The following KCNH1 variants were observed in gnomAD, a reference collection of about 807,000 sequenced individuals.
KCNH1 encodes potassium voltage-gated channel subfamily H member 1, also known as voltage-gated delayed rectifier potassium channel KCNH1.
In KCNH1, 27 loss-of-function variants were observed where a neutral mutation model predicts 69.2. The ratio of observed to expected loss-of-function variants is 0.39; its 90% CI spans 0.29 to 0.54. The LOEUF (loss-of-function observed/expected upper bound fraction) is 0.54. Ranked by LOEUF, KCNH1 falls within the 20% of genes least tolerant of loss-of-function variation. KCNH1 has a pLI of 0.68. For missense variants in KCNH1, 798 were observed against 1,261.6 expected (o/e 0.63, Z 5.57); for synonymous variants, 456 against 487.7 (o/e 0.93, Z 0.86).
Position 210,775,340 on chromosome 1 carries a change from T to C in KCNH1, c.2112+8A>G, listed in dbSNP as rs1366931015. 1.2e-6 allele frequency: 2 copies of C among 1,612,906 alleles called. No individual in the cohort carries two copies. Among genetic ancestry groups the C allele is most frequent in the Non-Finnish European group, 1.7e-6 (2 of 1,179,106 alleles). Reference sequence around the variant, plus strand: ...CTTTGTGGAAAATAACTGAAACTTTTAGCTCACCCTCTTCCTCAAGTTGTA... The same window carrying C: ...CTTTGTGGAAAATAACTGAAACTTTCAGCTCACCCTCTTCCTCAAGTTGTA... On this transcript the variant is annotated splice_region_variant and intron_variant, in intron 10 of 10. Coordinates refer to ENST00000271751, the MANE Select transcript of KCNH1 (RefSeq NM_172362.3).
chr1:210,910,512 C>T (rs1687208677), intron 7 of KCNH1, among the ~76,000 whole-genome samples: 1 of 152,234 alleles, frequency 6.6e-6, no homozygotes, highest in South Asian at 2.1e-4. Flanking sequence ...GCTCTTTCTG[C>T]AGCATTCAGC....
chr1:210,997,038 T>G (rs1689058060), intron 6 of KCNH1, among the ~76,000 whole-genome samples: 1 of 151,918 alleles, frequency 6.6e-6, no homozygotes, highest in East Asian at 1.9e-4. Flanking sequence ...AGACCAAAAG[T>G]AGATAAAACC....
In KCNH1 at chr1:211,082,721, C is replaced by T. The variant is rs190242575; in HGVS notation, c.558+59G>A. Reference sequence around the variant, plus strand: ...TTAGCACACTAGTTTTGTGCCATTGCCTCAGCCCATGCACCCCCTAAAAGT... The same window carrying T: ...TTAGCACACTAGTTTTGTGCCATTGTCTCAGCCCATGCACCCCCTAAAAGT... On this transcript the variant is annotated intron_variant, in intron 5 of 10. Coordinates refer to ENST00000271751, the MANE Select transcript of KCNH1 (RefSeq NM_172362.3). 60 of 1,344,384 alleles carry T rather than the reference C, an allele frequency of 4.5e-5. No individual in the cohort carries two copies. The East Asian group carries it at 1.1e-3, about 24-fold the overall frequency. 83.3% of individuals were successfully genotyped at this position (1,344,384 alleles called of 1,614,324 possible).
chr1:210,868,560 C>T (rs925458438), intron 7 of KCNH1, among the ~76,000 whole-genome samples: 1 of 151,908 alleles, frequency 6.6e-6, no homozygotes, highest in South Asian at 2.1e-4. Flanking sequence ...ATTTTTGAGT[C>T]TACAGTAAAG....
At chr1:211,036,574 G>A (rs1044215048) in intron 5 of KCNH1, among the ~76,000 whole-genome samples, 19 of 152,122 alleles carry the variant, frequency 1.2e-4, no homozygotes, top group Admixed American at 4.6e-4. Flanking sequence ...GAATCTCTGG[G>A]CACTGAGTCA....
At chr1:211,080,053 G>C (rs572874235) in intron 5 of KCNH1, among the ~76,000 whole-genome samples, 130 of 152,304 alleles carry the variant, frequency 8.5e-4, no homozygotes, top group African/African-American at 3.0e-3. Flanking sequence ...TGACATGACT[G>C]TATATTTAGA....
chr1:211,012,649 G>A (rs1483369156), intron 6 of KCNH1, among the ~76,000 whole-genome samples: 2 of 152,096 alleles, frequency 1.3e-5, no homozygotes, highest in African/African-American at 2.4e-5. Flanking sequence ...GGAGCACAGG[G>A]GATGTTTAAG....
At chr1:210,730,651 G>A (rs1249393341) in intron 10 of KCNH1, among the ~76,000 whole-genome samples, 1 of 149,140 alleles carries the variant, frequency 6.7e-6, no homozygotes, top group African/African-American at 2.4e-5. Flanking sequence ...GGTGGGGGTG[G>A]GAGTCTGAGC....
At position 211,082,912 on chromosome 1, in the gene KCNH1, A is replaced by G. The variant is rs989772846; in HGVS notation, c.440-14T>C. The G allele has an allele frequency of 6.2e-7, 1 of 1,604,362 alleles. No homozygotes were observed. Among genetic ancestry groups the G allele is most frequent in the Admixed American group, 1.7e-5 (1 of 59,794 alleles). ...ACTTCCCCCAGCCTGAAGCAAGTGG[A>G]AGAGTGAAAAGACAGGGTCAACCAC... On this transcript the variant is annotated splice_polypyrimidine_tract_variant and intron_variant, in intron 4 of 10. Transcript: ENST00000271751.
At chr1:210,920,192 C>A (rs1458129744) in intron 6 of KCNH1, 123 bp from the exon 7 acceptor site, 6 of 796,108 alleles carry the variant, frequency 7.5e-6, no homozygotes, top group South Asian at 4.4e-5. Flanking sequence ...TTTTATGCAA[C>A]CCTTAAAAAA....
At position 210,683,975 on chromosome 1, in the gene KCNH1, C is replaced by G; in HGVS notation, c.2276G>C (p.Arg759Pro). 1 of 1,600,712 alleles carries G rather than the reference C, an allele frequency of 6.2e-7. No homozygotes were observed. The highest frequency in any genetic ancestry group is 8.5e-7 in the Non-Finnish European group (1 of 1,169,818). Reference protein sequence around the residue: ...EARLAAERGGRDLDDLDVEKG... With the variant: ...EARLAAERGGPDLDDLDVEKG... ...CTCCACATCTAGGTCATCCAGGTCC[C>G]GGCCCCCTCTCTCAGCTGCCAGCCT... is the stretch of plus-strand genomic sequence containing the variant. Residue 759 changes from arginine (R) to proline (P), a missense_variant, in exon 11 of 11, where the codon CGG becomes CCG. Coordinates refer to ENST00000271751, the MANE Select transcript of KCNH1 (RefSeq NM_172362.3). The surrounding 1 kb of genome is among the most constrained non-coding windows in gnomAD (Gnocchi z 5.7).
chr1:210,842,202 G>T (rs1178659836), intron 7 of KCNH1, among the ~76,000 whole-genome samples: 4 of 151,998 alleles, frequency 2.6e-5, no homozygotes, highest in Admixed American at 2.6e-4. Flanking sequence ...CCCCTACCAT[G>T]GTCATGGAAG....
chr1:211,059,124 C>A (rs1235164043), intron 5 of KCNH1, among the ~76,000 whole-genome samples: 1 of 151,070 alleles, frequency 6.6e-6, no homozygotes, highest in Non-Finnish European at 1.5e-5. Context: ...ACTGAAAATA[C>A]AAAAAACTAG....
At chr1:210,865,469 G>C (rs533097763) in intron 7 of KCNH1, among the ~76,000 whole-genome samples, 1 of 152,158 alleles carries the variant, frequency 6.6e-6, no homozygotes, top group Non-Finnish European at 1.5e-5. Flanking sequence ...GAACATTTTG[G>C]GTCAAACTAA....
chr1:210,927,239 A>G (rs1687590889), intron 6 of KCNH1, among the ~76,000 whole-genome samples: 1 of 152,196 alleles, frequency 6.6e-6, no homozygotes, highest in South Asian at 2.1e-4. Context: ...AGTCATTGGG[A>G]AAAGGTCATC....
At chr1:211,026,532 G>C (rs757282352) in intron 5 of KCNH1, among the ~76,000 whole-genome samples, 1 of 151,954 alleles carries the variant, frequency 6.6e-6, no homozygotes, top group African/African-American at 2.4e-5. Context: ...CCCCCACCCC[G>C]CCTCAGCTAC....
In KCNH1 at chr1:211,133,617, GAGA is replaced by G. The variant is rs1691917406; in HGVS notation, c.79+247_79+249del. ...GTCACGCATCCTTGGAGATAAGACC[GAGA>G]GGGCGCTAGAAAGGCCCAAAAGGCG... On this transcript the variant is annotated intron_variant, in intron 1 of 10. Coordinates refer to ENST00000271751, the MANE Select transcript of KCNH1 (RefSeq NM_172362.3). The surrounding 1 kb of genome is among the most constrained non-coding windows in gnomAD (Gnocchi z 5.4). 6.6e-6 allele frequency among the ~76,000 whole-genome samples: 1 copy of G among 152,150 alleles called. No individual in the cohort carries two copies. The highest frequency in any genetic ancestry group is 2.4e-5 in the African/African-American group (1 of 41,436).
chr1:210,879,841 A>G lies in KCNH1; in HGVS notation c.1462+39799T>C, dbSNP rs578229536. 3.3e-4 allele frequency among the ~76,000 whole-genome samples: 50 copies of G among 152,268 alleles called. 1 individual carries two copies. The highest frequency in any genetic ancestry group is 1.2e-3 in the African/African-American group (49 of 41,592). On this transcript the variant is annotated intron_variant, in intron 7 of 10. Coordinates refer to ENST00000271751, the MANE Select transcript of KCNH1 (RefSeq NM_172362.3). ...CAGATTACATAATTGTATATGCAGA[A>G]AATCTGAAAGAACTGACAAAAAAAT...
At chr1:210,713,191 A>T (rs1441559739) in intron 10 of KCNH1, among the ~76,000 whole-genome samples, 1 of 152,248 alleles carries the variant, frequency 6.6e-6, no homozygotes, top group African/African-American at 2.4e-5. Context: ...AAATCATAAC[A>T]TAATAAGGAC....
Sources: allele counts gnomAD v4.1 joint callset (sites outside exome capture counted in the v4.1 genomes callset), GRCh38; gene constraint gnomAD v4.1.1; non-coding constraint Gnocchi (gnomAD v3.1); transcripts MANE v1.5; gene names NCBI Gene and HGNC (gene_info 2026-07-23, HGNC 2026-07-21).